Variants in ACTN4 observed in about 807,000 individuals in gnomAD.
ACTN4 encodes actinin alpha 4.
Under a neutral mutation model 114.2 loss-of-function variants are expected in ACTN4, and 18 were observed. That is an observed-to-expected ratio of 0.16 (90% CI 0.11 to 0.23). The LOEUF (loss-of-function observed/expected upper bound fraction) is 0.23, where lower values mean the gene tolerates loss of function less well. ACTN4 is among the 10% of genes least tolerant of loss of function. The pLI is 1.00. For synonymous variants in ACTN4, 515 were observed against 506.3 expected, an observed-to-expected ratio of 1.02 and a Z score of -0.23; for missense variants, 722 against 1,262.9, an observed-to-expected ratio of 0.57 and a Z score of 6.49.
At chr19:38,728,070 T>G (rs752360689) in intron 19 of ACTN4, 44 bp downstream of exon 19, 5 of 1,540,962 alleles carry the variant, frequency 3.2e-6, no homozygotes, top group East Asian at 4.8e-5. Flanking sequence ...TTAACTGCTC[T>G]CTCTCTCTCT....
rs188229714 is a variant in ACTN4, at chr19:38,684,187, G to A, written c.163-16413G>A. On this transcript the variant is annotated intron_variant, in intron 1 of 20. Transcript: ENST00000252699. ...CAGAACAAACCCTGGTACACACTAA[G>A]TGCTCAATAAATGTGAGTCATTTGT... 3.9e-5 allele frequency among the ~76,000 whole-genome samples: 6 copies of A among 152,288 alleles called. No homozygotes were observed. In the East Asian group the frequency reaches 1.2e-3, roughly 29 times the overall value.
At chr19:38,680,302 C>T (rs1459021251) in intron 1 of ACTN4, among the ~76,000 whole-genome samples, 2 of 148,234 alleles carry the variant, frequency 1.3e-5, no homozygotes, top group African/African-American at 2.5e-5. Context: ...AATCTTGGCT[C>T]ACTGCAACCT....
Position 38,647,940 on chromosome 19 carries a change from G to A in ACTN4, c.162+33G>A, listed in dbSNP as rs199812484. On this transcript the variant is annotated intron_variant, in intron 1 of 20. Transcript: ENST00000252699. ...GCCCGCGGGCCGGACGGGCTGGAGGGGCTTTTCTGAGGGGGCCCGGGGAGG... is the reference window on the plus strand; with the variant it reads ...GCCCGCGGGCCGGACGGGCTGGAGGAGCTTTTCTGAGGGGGCCCGGGGAGG... 6.4e-3 allele frequency: 9,347 copies of A among 1,452,122 alleles called. 39 individuals are homozygous for A. Among genetic ancestry groups the A allele is most frequent in the South Asian group, 0.011 (807 of 72,094 alleles). The allele number at this position is 1,452,122 out of a possible 1,614,324, so 90.0% of individuals were successfully genotyped here.
At chr19:38,682,353 G>T (rs1220451212) in intron 1 of ACTN4, among the ~76,000 whole-genome samples, 4 of 151,058 alleles carry the variant, frequency 2.6e-5, no homozygotes, top group Non-Finnish European at 5.9e-5. Context: ...TTTTTTGTTT[G>T]TTTTTTTTCC....
intron 7 of ACTN4, 89 bp from the exon 8 acceptor site, chr19:38,710,168 C>G (rs564178979): frequency 6.5e-6 from 9 of 1,394,386 alleles, no homozygotes; most frequent in African/African-American, 1.4e-5. Flanking sequence ...CCCCCAAGGC[C>G]GTGGCCTTGG....
Position 38,730,802 on chromosome 19 carries a change from T to G in ACTN4, c.*1370T>G, listed in dbSNP as rs1282858270. 3.2e-6 allele frequency: 5 copies of G among 1,548,540 alleles called. No individual in the cohort carries two copies. The highest frequency in any genetic ancestry group is 2.4e-5 in the East Asian group (1 of 40,922). ...TGCCAGGCAAGGCCTAGGGAGGTGG[T>G]CTTGCTCAGCAACCCTGCCCTGAGC... On this transcript the variant is annotated 3_prime_UTR_variant, in exon 21 of 21. Coordinates refer to ENST00000252699, the MANE Select transcript of ACTN4 (RefSeq NM_004924.6).
chr19:38,694,230 T>A (rs1194441769), intron 1 of ACTN4, among the ~76,000 whole-genome samples: 1 of 150,722 alleles, frequency 6.6e-6, no homozygotes, highest in Non-Finnish European at 1.5e-5. Context: ...TGAGTTTACC[T>A]CTAGCTTGGG....
chr19:38,685,804 C>A (rs1417123136), intron 1 of ACTN4, among the ~76,000 whole-genome samples: 1 of 151,998 alleles, frequency 6.6e-6, no homozygotes, highest in Non-Finnish European at 1.5e-5. Flanking sequence ...CTGACTTGGC[C>A]GGGTGGACTG....
At chr19:38,700,801 TC>T in intron 2 of ACTN4, 87 bp downstream of exon 2, 7 of 1,400,548 alleles carry the variant, frequency 5.0e-6, no homozygotes, top group Non-Finnish European at 7.0e-6. Flanking sequence ...CACCCAGCTG[TC>T]CCATTGCTCC....
At chr19:38,675,488 T>C (rs1967344110) in intron 1 of ACTN4, among the ~76,000 whole-genome samples, 1 of 152,206 alleles carries the variant, frequency 6.6e-6, no homozygotes, top group South Asian at 2.1e-4. Flanking sequence ...TCCACCTTGG[T>C]CTCCCAAAGT....
At chr19:38,718,257 T>C (rs1599847359) in intron 11 of ACTN4, 183 bp downstream of exon 11, 1 of 1,066,468 alleles carries the variant, frequency 9.4e-7, no homozygotes. Context: ...CCAGGTTCAG[T>C]GGCTCACACC....
chr19:38,728,140 G>A, intron 19 of ACTN4, 114 bp downstream of exon 19: 1 of 1,385,994 alleles, frequency 7.2e-7, no homozygotes, highest in Non-Finnish European at 1.0e-6. Context: ...CCATCTCATG[G>A]CTCTCTTGCC....
Position 38,724,640 on chromosome 19 carries a change from C to T in ACTN4, c.2010+75C>T. ...CCGTAGTGAGGGGGTCCCCGGCCAG[C>T]CCAGGGCCTGCAGACTGAGGCGCCT... On this transcript the variant is annotated intron_variant, in intron 16 of 20. Coordinates refer to ENST00000252699, the MANE Select transcript of ACTN4 (RefSeq NM_004924.6). The surrounding 1 kb of genome is among the most constrained non-coding windows in gnomAD (Gnocchi z 7.0). 2.5e-6 allele frequency: 4 copies of T among 1,604,838 alleles called. No homozygotes were observed. Among genetic ancestry groups the T allele is most frequent in the Non-Finnish European group, 3.4e-6 (4 of 1,178,468 alleles).
At chr19:38,666,558 C>T (rs1004324669) in intron 1 of ACTN4, among the ~76,000 whole-genome samples, 9 of 152,210 alleles carry the variant, frequency 5.9e-5, no homozygotes, top group Admixed American at 2.0e-4. Flanking sequence ...CAGGAGAACA[C>T]GAAGTACACA....
At chr19:38,713,546 G>GGTGTGCACGTGCGTGTGTGCGCTCAC (rs1448317007) in intron 8 of ACTN4, among the ~76,000 whole-genome samples, 9 of 152,310 alleles carry the variant, frequency 5.9e-5, no homozygotes, top group African/African-American at 2.2e-4. Flanking sequence ...CATGGCGCGG[G>GGTGTGCACGTGCGTGTGTGCGCTCAC]GTGTGCACGT....
At chr19:38,728,360 T>C (rs1322161156) in intron 19 of ACTN4, 1 of 1,408,454 alleles carries the variant, frequency 7.1e-7, no homozygotes, top group Non-Finnish European at 9.5e-7. Flanking sequence ...GGGCTCTGCT[T>C]ATCTCCACAG....
intron 1 of ACTN4, among the ~76,000 whole-genome samples, chr19:38,684,279 C>T (rs1967670200): frequency 6.6e-6 from 1 of 152,160 alleles, no homozygotes; most frequent in Admixed American, 6.5e-5. Flanking sequence ...GTTGTTGGTT[C>T]AGGCTCAGCC....
intron 1 of ACTN4, among the ~76,000 whole-genome samples, chr19:38,693,943 C>T (rs973640151): frequency 1.4e-4 from 22 of 152,332 alleles, no homozygotes; most frequent in African/African-American, 4.8e-4. Context: ...CCCCCTTCCC[C>T]GCACTCACAC....
intron 1 of ACTN4, among the ~76,000 whole-genome samples, chr19:38,653,730 C>T (rs1976633776): frequency 6.6e-6 from 1 of 152,182 alleles, no homozygotes; most frequent in Non-Finnish European, 1.5e-5. Flanking sequence ...CAAAAGCACT[C>T]GTGTTACTTT....
Sources: gnomAD v4.1 joint callset for allele counts (sites outside exome capture counted in the v4.1 genomes callset) on GRCh38, gnomAD v4.1.1 for gene constraint, Gnocchi (gnomAD v3.1) non-coding constraint, MANE v1.5 for transcripts, NCBI Gene and HGNC (gene_info 2026-07-23, HGNC 2026-07-21) for gene names.